Variants in PTPRO observed in about 807,000 individuals in gnomAD.
PTPRO encodes protein tyrosine phosphatase receptor type O.
In PTPRO, 62 loss-of-function variants were observed where a neutral mutation model predicts 145.2. The ratio of observed to expected loss-of-function variants is 0.43; its 90% CI spans 0.35 to 0.53. PTPRO has a LOEUF of 0.53. Ranked by LOEUF, PTPRO falls within the 20% of genes least tolerant of loss-of-function variation. The pLI is 0.01. For synonymous variants in PTPRO, 565 were observed against 514.7 expected (o/e 1.10, Z -1.32); for missense variants, 1,345 against 1,482.7 (o/e 0.91, Z 1.53).
rs147165417 is a variant in PTPRO, at chr12:15,549,204, G to C, written c.2415G>C (p.Thr805=). Residue 805 remains threonine, a synonymous_variant, in exon 14 of 27, where the codon ACG becomes ACC. Transcript: ENST00000281171. ...SFSHDSPSVP[T]FIAVSTMVTE... ...GCCATGACAGCCCCAGTGTCCCTAC[G>C]TTCATAGCCGTCTCAACAATGGGTA... 3 of 1,607,838 alleles carry C rather than the reference G, an allele frequency of 1.9e-6. No homozygotes were observed. The highest frequency in any genetic ancestry group is 2.5e-6 in the Non-Finnish European group (3 of 1,178,704).
intron 4 of PTPRO, among the ~76,000 whole-genome samples, chr12:15,500,766 A>T (rs140481137): frequency 0.012 from 1,834 of 152,250 alleles, 38 homozygotes; most frequent in African/African-American, 0.042. Flanking sequence ...TACTAAGAAT[A>T]CAAATATTAG....
chr12:15,520,277 G>C lies in PTPRO; in HGVS notation c.1856G>C (p.Ser619Thr), dbSNP rs1406506569. 4 of 1,613,728 alleles carry C rather than the reference G, an allele frequency of 2.5e-6. No homozygotes were observed. Among genetic ancestry groups the C allele is most frequent in the Non-Finnish European group, 3.4e-6 (4 of 1,179,778 alleles). ...TMVTWGDPEL[S>T]CCDSSTISFI... ...GTGACGTGGGGAGATCCAGAATTGAGCTGCTGTGACAGCTCTACCATCAGC... is the reference window on the plus strand; with the variant it reads ...GTGACGTGGGGAGATCCAGAATTGACCTGCTGTGACAGCTCTACCATCAGC... The change falls in exon 10 of 27, where the codon AGC becomes ACC. Residue 619 changes from serine to threonine, a missense_variant. By Grantham distance (58) the Ser-to-Thr change is moderately conservative (BLOSUM62 1). This residue lies in a region of PTPRO where 1,130 missense variants were observed against 1,214.7 expected (regional missense o/e 0.93). Transcript: ENST00000281171.
intron 1 of PTPRO, among the ~76,000 whole-genome samples, chr12:15,340,146 C>T (rs138110682): frequency 1.1e-3 from 160 of 152,254 alleles, no homozygotes; most frequent in African/African-American, 3.1e-3. Flanking sequence ...AATCCTTATA[C>T]ACTCCTATAT....
chr12:15,521,767 T>C lies in PTPRO; in HGVS notation c.1891+1455T>C, dbSNP rs537126662. 5.4e-4 allele frequency among the ~76,000 whole-genome samples: 83 copies of C among 152,294 alleles called. 1 individual carries two copies. The highest frequency in any genetic ancestry group is 1.8e-3 in the African/African-American group (76 of 41,572). On this transcript the variant is annotated intron_variant, in intron 10 of 26. Transcript: ENST00000281171. ...CCCTGACAGTCTTTGCACTGTCTTT[T>C]AAGGGGGAACAAAAGAAATGAAATA...
At position 15,425,362 on chromosome 12, in the gene PTPRO, A is replaced by G. The variant is rs1401069612; in HGVS notation, c.76-58612A>G. 2.0e-5 allele frequency among the ~76,000 whole-genome samples: 3 copies of G among 152,166 alleles called. No homozygotes were observed. In the East Asian group the frequency reaches 5.8e-4, roughly 29 times the overall value. On this transcript the variant is annotated intron_variant, in intron 1 of 26. Transcript: ENST00000281171. ...GCCTATGTTACAGGTAAGAAAACTG[A>G]GCTACATCTTGAAGGTCACATAACT...
chr12:15,435,167 A>G (rs1275655327), intron 1 of PTPRO, among the ~76,000 whole-genome samples: 2 of 152,202 alleles, frequency 1.3e-5, no homozygotes, highest in Admixed American at 6.5e-5. Flanking sequence ...GGTATAGGGT[A>G]ATAGACTTTC....
At position 15,557,881 on chromosome 12, in the gene PTPRO, C is replaced by T. The variant is rs185266715; in HGVS notation, c.2627+358C>T. Reference sequence around the variant, plus strand: ...GAAGAGATTCCAATGAAGCAGCTTGCGACAGATCGGCTTCTCCATTTTATT... The same window carrying T: ...GAAGAGATTCCAATGAAGCAGCTTGTGACAGATCGGCTTCTCCATTTTATT... On this transcript the variant is annotated intron_variant, in intron 16 of 26. Transcript: ENST00000281171. Among the ~76,000 whole-genome samples, 18 of 152,162 alleles carry T rather than the reference C, an allele frequency of 1.2e-4. No homozygotes were observed. In the East Asian group the frequency reaches 1.5e-3, roughly 13 times the overall value.
intron 1 of PTPRO, among the ~76,000 whole-genome samples, chr12:15,372,928 G>A (rs970245548): frequency 2.6e-5 from 4 of 152,062 alleles, no homozygotes; most frequent in African/African-American, 4.8e-5. Context: ...ACTGGTGTAG[G>A]CAGGTGGACC....
chr12:15,532,356 T>C (rs1406910620), intron 12 of PTPRO, among the ~76,000 whole-genome samples: 2 of 152,166 alleles, frequency 1.3e-5, no homozygotes, highest in Non-Finnish European at 2.9e-5. Flanking sequence ...CTTTCAATAT[T>C]ATGTAGCAAA....
At chr12:15,326,460 T>C (rs1040861344) in intron 1 of PTPRO, among the ~76,000 whole-genome samples, 3 of 152,354 alleles carry the variant, frequency 2.0e-5, no homozygotes, top group East Asian at 1.9e-4. Context: ...GAGACTATCG[T>C]TGTGTGAAGG....
intron 17 of PTPRO, 152 bp downstream of exon 17, chr12:15,560,428 C>T (rs1249515669): frequency 1.6e-5 from 11 of 669,490 alleles, no homozygotes; most frequent in East Asian, 5.5e-5. Flanking sequence ...AAGCAGTTAC[C>T]GGTACAAAGA....
chr12:15,555,137 C>G (rs1226303322), intron 15 of PTPRO, among the ~76,000 whole-genome samples: 1 of 152,038 alleles, frequency 6.6e-6, no homozygotes, highest in Non-Finnish European at 1.5e-5. Flanking sequence ...ACTCAGGAGA[C>G]TGAGGCAGAA....
At chr12:15,445,360 A>C (rs533639071) in intron 1 of PTPRO, among the ~76,000 whole-genome samples, 1 of 152,280 alleles carries the variant, frequency 6.6e-6, no homozygotes, top group African/African-American at 2.4e-5. Flanking sequence ...ATTTCAATCT[A>C]GGGTCTGTTA....
Position 15,505,199 on chromosome 12 carries a change from T to C in PTPRO, c.1267+1130T>C, listed in dbSNP as rs115344370. On this transcript the variant is annotated intron_variant, in intron 6 of 26. Coordinates refer to ENST00000281171, the MANE Select transcript of PTPRO (RefSeq NM_030667.3). Reference sequence around the variant, plus strand: ...CTCCACGAAAACTCCACAACAATTCTGGTCTTTCTGACTTTTCTCTTCTCT... The same window carrying C: ...CTCCACGAAAACTCCACAACAATTCCGGTCTTTCTGACTTTTCTCTTCTCT... 4.1e-3 allele frequency among the ~76,000 whole-genome samples: 617 copies of C among 152,326 alleles called. 5 individuals are homozygous for C. Among genetic ancestry groups the C allele is most frequent in the African/African-American group, 0.014 (586 of 41,572 alleles).
chr12:15,555,304 T>G (rs980337356), intron 15 of PTPRO, among the ~76,000 whole-genome samples: 2 of 152,034 alleles, frequency 1.3e-5, no homozygotes, highest in Non-Finnish European at 2.9e-5. Context: ...CTGGATGAAA[T>G]TCAGGGAGTA....
intron 1 of PTPRO, among the ~76,000 whole-genome samples, chr12:15,373,665 C>T (rs1179221017): frequency 6.6e-6 from 1 of 152,048 alleles, no homozygotes; most frequent in East Asian, 1.9e-4. Flanking sequence ...TTATTAAACA[C>T]CTACTATGTG....
intron 15 of PTPRO, among the ~76,000 whole-genome samples, chr12:15,552,102 G>C (rs1943479140): frequency 6.6e-6 from 1 of 151,916 alleles, no homozygotes; most frequent in South Asian, 2.1e-4. Flanking sequence ...TGTTCTATTG[G>C]AAAATATTTG....
chr12:15,401,522 A>G (rs867009453), intron 1 of PTPRO, among the ~76,000 whole-genome samples: 3 of 147,712 alleles, frequency 2.0e-5, no homozygotes, highest in East Asian at 1.9e-4. Context: ...TAATGATAAC[A>G]TAAGTTTGCA....
intron 2 of PTPRO, among the ~76,000 whole-genome samples, chr12:15,495,128 C>T (rs1410205995): frequency 6.6e-6 from 1 of 151,754 alleles, no homozygotes; most frequent in Non-Finnish European, 1.5e-5. Flanking sequence ...TGTAGGAAGA[C>T]TAGGGATGAG....
Sources: allele counts gnomAD v4.1 joint callset (sites outside exome capture counted in the v4.1 genomes callset), GRCh38; gene constraint gnomAD v4.1.1; regional missense constraint gnomAD v4.1.1; transcripts MANE v1.5; gene names NCBI Gene and HGNC (gene_info 2026-07-23, HGNC 2026-07-21).